Variants in ANO5 observed in about 807,000 individuals in gnomAD.
ANO5 encodes anoctamin 5.
ANO5 carries 109 observed loss-of-function variants against 121.0 expected under a neutral mutation model. The ratio of observed to expected loss-of-function variants is 0.90; its 90% CI spans 0.77 to 1.06. The LOEUF (loss-of-function observed/expected upper bound fraction) is 1.06. Ranked by LOEUF, ANO5 falls within the 50% of genes least tolerant of loss-of-function variation. The pLI is 0.00. For missense variants in ANO5, 1,064 were observed against 1,078.5 expected (o/e 0.99, Z 0.19); for synonymous variants, 406 against 359.9 (o/e 1.13, Z -1.45).
chr11:22,235,792 C>T (rs1341037617), intron 7 of ANO5, among the ~76,000 whole-genome samples: 1 of 152,110 alleles, frequency 6.6e-6, no homozygotes, highest in Non-Finnish European at 1.5e-5. Context: ...GGATAAATAT[C>T]AATTCTACTC....
intron 9 of ANO5, among the ~76,000 whole-genome samples, chr11:22,243,233 GT>G (rs1853491288): frequency 6.6e-6 from 1 of 152,000 alleles, no homozygotes; most frequent in Admixed American, 6.6e-5. Context: ...ATTTGCACTT[GT>G]TGAATCAGCC....
At chr11:22,193,815 C>A (rs1197729237) in intron 1 of ANO5, among the ~76,000 whole-genome samples, 1 of 152,184 alleles carries the variant, frequency 6.6e-6, no homozygotes, top group East Asian at 1.9e-4. Context: ...TCCTTGCTCC[C>A]CTGCAGGCCT....
chr11:22,202,411 A>G (rs1401671871), intron 1 of ANO5, among the ~76,000 whole-genome samples: 1 of 152,152 alleles, frequency 6.6e-6, no homozygotes, highest in Non-Finnish European at 1.5e-5. Flanking sequence ...AAGGAATTGG[A>G]CTGTCATACT....
intron 12 of ANO5, among the ~76,000 whole-genome samples, chr11:22,254,681 G>C (rs1853935878): frequency 6.6e-6 from 1 of 151,504 alleles, no homozygotes; most frequent in South Asian, 2.1e-4. Context: ...ATTGGTGCTG[G>C]TTATATGGGT....
chr11:22,270,285 T>C, intron 17 of ANO5, 27 bp from the exon 18 acceptor site: 1 of 1,613,708 alleles, frequency 6.2e-7, no homozygotes, highest in Non-Finnish European at 8.5e-7. Flanking sequence ...TCCTATTTCA[T>C]ATATTAACTT....
At chr11:22,232,492 A>G (rs1853075782) in intron 7 of ANO5, among the ~76,000 whole-genome samples, 1 of 151,882 alleles carries the variant, frequency 6.6e-6, no homozygotes, top group Admixed American at 6.6e-5. Context: ...GTTTTTAGAT[A>G]ACAGATGTTT....
At chr11:22,256,904 C>T (rs763252784) in intron 13 of ANO5, among the ~76,000 whole-genome samples, 2 of 152,136 alleles carry the variant, frequency 1.3e-5, no homozygotes, top group Non-Finnish European at 1.5e-5. Context: ...CACACATGTA[C>T]ACAGTGACAT....
chr11:22,274,887 T>C, intron 20 of ANO5, 140 bp downstream of exon 20: 21 of 1,167,388 alleles, frequency 1.8e-5, no homozygotes, highest in Non-Finnish European at 2.6e-5. Flanking sequence ...GTGTATCCAT[T>C]CTAGAATTCA....
chr11:22,200,475 T>C (rs933270858), intron 1 of ANO5, among the ~76,000 whole-genome samples: 1 of 152,208 alleles, frequency 6.6e-6, no homozygotes, highest in Non-Finnish European at 1.5e-5. Context: ...TTATAGATTA[T>C]TAAAAATTTG....
rs181889633 is a variant in ANO5 at position 22,267,754 on chromosome 11, C to T, written c.1899-2558C>T. ...TACCCAGTACTTATTCTTCCTGATC[C>T]TCTCCCTCTTCTGACACTCCACCTT... On this transcript the variant is annotated intron_variant, in intron 17 of 21. Coordinates refer to ENST00000324559, the MANE Select transcript of ANO5 (RefSeq NM_213599.3). 2.9e-3 allele frequency among the ~76,000 whole-genome samples: 442 copies of T among 152,134 alleles called. 8 individuals carry two copies. Among genetic ancestry groups the T allele is most frequent in the Middle Eastern group, 3.4e-3 (1 of 294 alleles).
chr11:22,280,723 C>CT lies in ANO5; in HGVS notation c.*961dup, dbSNP rs1320694292. ...GTTGTTTATGATAAACATTTCTTTG[C>CT]TTTAAAATAATTGCAAATATTTTAA... is the stretch of plus-strand genomic sequence containing the variant. On this transcript the variant is annotated 3_prime_UTR_variant, in exon 22 of 22. Transcript: ENST00000324559. 6.6e-6 allele frequency: 1 copy of CT among 151,894 alleles called. No homozygotes were observed. Among genetic ancestry groups the CT allele is most frequent in the Admixed American group, 6.6e-5 (1 of 15,238 alleles). 9.4% of individuals were successfully genotyped at this position (151,894 alleles called of 1,614,324 possible). A position where few individuals can be genotyped will look rare whatever the true frequency, so the allele number is the denominator to read the frequency against.
At chr11:22,202,892 T>C (rs1265072023) in intron 1 of ANO5, among the ~76,000 whole-genome samples, 1 of 152,144 alleles carries the variant, frequency 6.6e-6, no homozygotes, top group Non-Finnish European at 1.5e-5. Context: ...TATAACTTCA[T>C]CTCTAGATCA....
intron 3 of ANO5, among the ~76,000 whole-genome samples, chr11:22,211,808 A>G (rs1852285920): frequency 6.6e-6 from 1 of 151,952 alleles, no homozygotes; most frequent in African/African-American, 2.4e-5. Flanking sequence ...TTAGTTGCCT[A>G]GCAAGTAAAA....
At chr11:22,247,304 A>T (rs1853659027) in intron 9 of ANO5, among the ~76,000 whole-genome samples, 1 of 152,192 alleles carries the variant, frequency 6.6e-6, no homozygotes, top group Non-Finnish European at 1.5e-5. Flanking sequence ...AAAATCCTGA[A>T]GAACAATGCT....
At chr11:22,196,640 G>A (rs1851822163) in intron 1 of ANO5, among the ~76,000 whole-genome samples, 1 of 152,090 alleles carries the variant, frequency 6.6e-6, no homozygotes, top group Non-Finnish European at 1.5e-5. Flanking sequence ...GGAGGCCGAG[G>A]CAGGTGGATC....
rs1027051555 is a variant in ANO5, at chr11:22,197,041, G to A, written c.40+3509G>A. ...TTTTTAGACTAAATTTACCCATATAGGTAAGCCTTGATTTTGTATGTGCTT... is the reference window on the plus strand; with the variant it reads ...TTTTTAGACTAAATTTACCCATATAAGTAAGCCTTGATTTTGTATGTGCTT... On this transcript the variant is annotated intron_variant, in intron 1 of 21. Transcript: ENST00000324559. Among the ~76,000 whole-genome samples, 4 of 152,078 alleles carry A rather than the reference G, an allele frequency of 2.6e-5. No individual in the cohort carries two copies. The South Asian group carries it at 8.3e-4, about 32-fold the overall frequency.
In ANO5 at chr11:22,280,419, A is replaced by G. The variant is rs1400502525; in HGVS notation, c.*654A>G. 6.6e-6 allele frequency: 1 copy of G among 151,882 alleles called. No individual in the cohort carries two copies. Among genetic ancestry groups the G allele is most frequent in the Non-Finnish European group, 1.5e-5 (1 of 67,868 alleles). The allele number at this position is 151,882 out of a possible 1,614,324, so 9.4% of individuals were successfully genotyped here. A position where few individuals can be genotyped will look rare whatever the true frequency, so the allele number is the denominator to read the frequency against. ...AAATTTTGGGTTTCAACATAAAACA[A>G]CTTGGTTCTTAGAGATAATAATTTG... is the stretch of plus-strand genomic sequence containing the variant. On this transcript the variant is annotated 3_prime_UTR_variant, in exon 22 of 22. Transcript: ENST00000324559.
intron 3 of ANO5, among the ~76,000 whole-genome samples, chr11:22,217,429 C>T (rs766154631): frequency 6.2e-4 from 94 of 151,048 alleles, no homozygotes; most frequent in Admixed American, 1.2e-3. Flanking sequence ...ATTGCATGCT[C>T]ATTAAATTAA....
At chr11:22,266,028 T>C (rs924014153) in intron 17 of ANO5, among the ~76,000 whole-genome samples, 5 of 152,148 alleles carry the variant, frequency 3.3e-5, no homozygotes, top group Non-Finnish European at 7.4e-5. Context: ...TCGTAAATGG[T>C]GTTGGAAAAA....
Sources: gnomAD v4.1 joint callset for allele counts (sites outside exome capture counted in the v4.1 genomes callset) on GRCh38, gnomAD v4.1.1 for gene constraint, MANE v1.5 for transcripts, NCBI Gene and HGNC (gene_info 2026-07-23, HGNC 2026-07-21) for gene names.